Variants in PLAGL1 observed in about 807,000 individuals in gnomAD.
PLAGL1 encodes the protein zinc finger protein PLAGL1.
Under a neutral mutation model 4.6 loss-of-function variants are expected in PLAGL1, and 1 was observed. The observed-to-expected ratio is 0.22, with a 90% confidence interval of 0.08 to 1.03. PLAGL1 has a LOEUF of 1.03. PLAGL1 is among the 50% of genes least tolerant of loss of function. The pLI, the probability that PLAGL1 is intolerant of heterozygous loss-of-function variation, is 0.58. For missense variants in PLAGL1, 464 were observed against 570.4 expected, an observed-to-expected ratio of 0.81 and a Z score of 1.90; for synonymous variants, 240 against 237.8, an observed-to-expected ratio of 1.01 and a Z score of -0.08.
chr6:143,977,467 CTTCTT>C lies in PLAGL1; in HGVS notation c.-544+7663_-544+7667del, dbSNP rs1786914951. Among the ~76,000 whole-genome samples, 8 of 82,840 alleles carry C rather than the reference CTTCTT, an allele frequency of 9.7e-5. No individual in the cohort carries two copies. The South Asian group carries it at 1.3e-3, about 14-fold the overall frequency. 54.3% of individuals were successfully genotyped at this position (82,840 alleles called of 152,430 possible). A position where few individuals can be genotyped will look rare whatever the true frequency, so the allele number is the denominator to read the frequency against. Reference sequence around the variant, plus strand: ...TTTTTTTTATTTTTTTCTTCTTCTTCTTCTTTTTTTTTTTTTTTTTTTTTGAGATG... The same window carrying C: ...TTTTTTTTATTTTTTTCTTCTTCTTCTTTTTTTTTTTTTTTTTTTGAGATG... On this transcript the variant is annotated intron_variant, in intron 2 of 7. Transcript: ENST00000674357.
At chr6:143,998,250 C>A (rs1211935374) in intron 1 of PLAGL1, among the ~76,000 whole-genome samples, 7 of 152,146 alleles carry the variant, frequency 4.6e-5, no homozygotes. Context: ...AGTATATTGG[C>A]AATGAAAGCA....
chr6:144,024,511 C>G (rs1283122321), intron 1 of PLAGL1, among the ~76,000 whole-genome samples: 1 of 152,182 alleles, frequency 6.6e-6, no homozygotes, highest in Non-Finnish European at 1.5e-5. Flanking sequence ...TGTACAAGCT[C>G]TCTTGCCTGC....
Position 143,973,464 on chromosome 6 carries a change from G to A in PLAGL1, c.-543-4486C>T, listed in dbSNP as rs1256560988. 6.6e-6 allele frequency among the ~76,000 whole-genome samples: 1 copy of A among 152,106 alleles called. No homozygotes were observed. Among genetic ancestry groups the A allele is most frequent in the Admixed American group, 6.5e-5 (1 of 15,272 alleles). On this transcript the variant is annotated intron_variant, in intron 2 of 7. Coordinates refer to ENST00000674357, the MANE Select transcript of PLAGL1 (RefSeq NM_001317162.2). This position sits in a 1 kb window ranked among gnomAD's most constrained non-coding sequence, Gnocchi z 6.2. Reference sequence around the variant, plus strand: ...CTCGCTAGTTCATCCAAGGTCAGAGGGAGAAAACAAGCACGGGGGGAAGTC... The same window carrying A: ...CTCGCTAGTTCATCCAAGGTCAGAGAGAGAAAACAAGCACGGGGGGAAGTC...
At chr6:143,976,275 GATTTC>G (rs1346290503) in intron 2 of PLAGL1, among the ~76,000 whole-genome samples, 1 of 112,430 alleles carries the variant, frequency 8.9e-6, no homozygotes, top group Non-Finnish European at 2.0e-5. Flanking sequence ...TTGAGCCTGA[GATTTC>G]TTTTCTTTTT....
intron 1 of PLAGL1, among the ~76,000 whole-genome samples, chr6:143,986,013 A>C (rs1314122279): frequency 1.4e-5 from 1 of 70,288 alleles, no homozygotes; most frequent in African/African-American, 4.7e-5. Context: ...TATATATATC[A>C]TTTAATCCTT....
intron 1 of PLAGL1, among the ~76,000 whole-genome samples, chr6:143,996,154 T>C (rs745579259): frequency 1.3e-5 from 2 of 152,094 alleles, no homozygotes; most frequent in Non-Finnish European, 2.9e-5. Context: ...AAACATGGGG[T>C]GATTTGAGAG....
At chr6:144,008,499 G>A (rs775783341), upstream of PLAGL1, 103 of 152,262 alleles carry the variant, frequency 6.8e-4, no homozygotes, top group Non-Finnish European at 1.2e-3. The surrounding 1 kb of genome is among the most constrained non-coding windows in gnomAD (Gnocchi z 6.9). Flanking sequence ...GCTGGGGGTC[G>A]GCGGCCGAGG....
rs951837466 is a variant in PLAGL1, at chr6:143,950,929, C to G, written c.-324-2469G>C. ...GCCACATAGTGCCAGTGGCTGCTGT[C>G]CTGGACGGCACAGGCAGACTCTTGG... On this transcript the variant is annotated intron_variant, in intron 6 of 7. Coordinates refer to ENST00000674357, the MANE Select transcript of PLAGL1 (RefSeq NM_001317162.2). The surrounding 1 kb of genome is among the most constrained non-coding windows in gnomAD (Gnocchi z 6.3). Among the ~76,000 whole-genome samples, 2 of 152,192 alleles carry G rather than the reference C, an allele frequency of 1.3e-5. No homozygotes were observed. Among genetic ancestry groups the G allele is most frequent in the African/African-American group, 4.8e-5 (2 of 41,432 alleles).
In PLAGL1 at chr6:144,048,184, GCTT is replaced by G. The variant is rs1478348087; in HGVS notation, c.-151+16281_-151+16283del. Among the ~76,000 whole-genome samples the G allele has an allele frequency of 1.3e-5, 2 of 152,210 alleles. No individual in the cohort carries two copies. ...GGTCTTGGGCAGCTCTGCCTCTGTG[GCTT>G]TGCAGGGTACGGCCTCCCTCTTGGC... On this transcript the variant is annotated intron_variant, in intron 1 of 3. Transcript: ENST00000437412. This position sits in a 1 kb window ranked among gnomAD's most constrained non-coding sequence, Gnocchi z 4.8.
At position 144,063,205 on chromosome 6, in the gene PLAGL1, T is replaced by C. The variant is rs1387394763; in HGVS notation, c.-151+1263A>G. ...TGCAACCTGCACCGGAACTTTGTAG[T>C]ATTCCAATTTCTCCCCTTTCCACAC... On this transcript the variant is annotated intron_variant, in intron 1 of 3. Transcript: ENST00000437412. This position sits in a 1 kb window ranked among gnomAD's most constrained non-coding sequence, Gnocchi z 5.7. Among the ~76,000 whole-genome samples the C allele has an allele frequency of 1.3e-5, 2 of 152,200 alleles. No homozygotes were observed. The highest frequency in any genetic ancestry group is 1.3e-4 in the Admixed American group (2 of 15,278).
Position 143,948,772 on chromosome 6 carries a change from A to ACAACAC in PLAGL1, c.-324-313_-324-312insGTGTTG, listed in dbSNP as rs1199367632. On this transcript the variant is annotated intron_variant, in intron 6 of 7. Coordinates refer to ENST00000674357, the MANE Select transcript of PLAGL1 (RefSeq NM_001317162.2). The surrounding 1 kb of genome is among the most constrained non-coding windows in gnomAD (Gnocchi z 6.0). ...CCATTGACCAAAGAGAAAAACAACAACAACAACAACAACAACAACAAACAA... is the reference window on the plus strand; with the variant it reads ...CCATTGACCAAAGAGAAAAACAACAACAACACCAACAACAACAACAACAACAAACAA... Among the ~76,000 whole-genome samples, 1 of 149,824 alleles carries ACAACAC rather than the reference A, an allele frequency of 6.7e-6. No individual in the cohort carries two copies. The highest frequency in any genetic ancestry group is 1.9e-4 in the East Asian group (1 of 5,168).
chr6:144,026,635 C>T (rs1796360149), intron 1 of PLAGL1, among the ~76,000 whole-genome samples: 1 of 152,168 alleles, frequency 6.6e-6, no homozygotes, highest in African/African-American at 2.4e-5. Flanking sequence ...TCCAATAATT[C>T]ATCTATACCC....
At position 143,941,830 on chromosome 6, in the gene PLAGL1, C is replaced by T. The variant is rs2128503021; in HGVS notation, c.986G>A (p.Ser329Asn). The T allele has an allele frequency of 6.2e-7, 1 of 1,614,210 alleles. No homozygotes were observed. The highest frequency in any genetic ancestry group is 1.1e-5 in the South Asian group (1 of 91,080). ...TTGCAGAGGCAAGTCCTCAAACAAA[C>T]TGATATTGCAAAAACCTTTAGTATC... Reference protein sequence around the residue: ...KADTKGFCNISLFEDLPLQEP... With the variant: ...KADTKGFCNINLFEDLPLQEP... The change falls in exon 8 of 8, where the codon AGT becomes AAT. Residue 329 changes from serine to asparagine, a missense_variant. Transcript: ENST00000674357. This position sits in a 1 kb window ranked among gnomAD's most constrained non-coding sequence, Gnocchi z 6.0.
At chr6:144,040,710 C>T (rs1381174811) in intron 1 of PLAGL1, among the ~76,000 whole-genome samples, 1 of 151,730 alleles carries the variant, frequency 6.6e-6, no homozygotes, top group African/African-American at 2.4e-5. Flanking sequence ...AACCTGTCTC[C>T]ACTAAAAATA....
chr6:143,986,191 A>G (rs1041181874), intron 1 of PLAGL1, among the ~76,000 whole-genome samples: 2 of 151,698 alleles, frequency 1.3e-5, no homozygotes, highest in African/African-American at 4.8e-5. Flanking sequence ...AAGGAAACCC[A>G]TGATAAAGTC....
rs1780457630 is a variant in PLAGL1 at position 143,949,097 on chromosome 6, G to A, written c.-324-637C>T. On this transcript the variant is annotated intron_variant, in intron 6 of 7. Transcript: ENST00000674357. The surrounding 1 kb of genome is among the most constrained non-coding windows in gnomAD (Gnocchi z 5.3). ...TAGCTCAGGAACCAGCCCAGGCCAC[G>A]TTCAGATTTGTAGGCACCATCCTCT... Among the ~76,000 whole-genome samples, 1 of 152,222 alleles carries A rather than the reference G, an allele frequency of 6.6e-6. No individual in the cohort carries two copies. Among genetic ancestry groups the A allele is most frequent in the East Asian group, 1.9e-4 (1 of 5,198 alleles).
rs570840414 is a variant in PLAGL1 at position 144,059,164 on chromosome 6, C to CCA, written c.-151+5302_-151+5303dup. 1.7e-3 allele frequency among the ~76,000 whole-genome samples: 254 copies of CCA among 152,382 alleles called. 1 individual carries two copies. The highest frequency in any genetic ancestry group is 5.7e-3 in the African/African-American group (239 of 41,594). On this transcript the variant is annotated intron_variant, in intron 1 of 3. Coordinates refer to the PLAGL1 transcript ENST00000437412. The surrounding 1 kb of genome is among the most constrained non-coding windows in gnomAD (Gnocchi z 4.9). ...GCCAAGCCTCCTTCATTCCTGCATTCCATGCACCCACAGGAAGCTGCTAAG... is the reference window on the plus strand; with the variant it reads ...GCCAAGCCTCCTTCATTCCTGCATTCCACATGCACCCACAGGAAGCTGCTAAG...
intron 2 of PLAGL1, among the ~76,000 whole-genome samples, chr6:143,980,232 A>G (rs543963425): frequency 1.3e-5 from 2 of 151,954 alleles, no homozygotes; most frequent in South Asian, 2.1e-4. Context: ...TTTAACTTAG[A>G]TTTGTGGATT....
At chr6:143,946,355 G>C (rs1779788865) in intron 7 of PLAGL1, among the ~76,000 whole-genome samples, 1 of 152,134 alleles carries the variant, frequency 6.6e-6, no homozygotes, top group Non-Finnish European at 1.5e-5. Flanking sequence ...TGTCCTCACT[G>C]TGACTCAGTT....
Sources: allele counts gnomAD v4.1 joint callset (sites outside exome capture counted in the v4.1 genomes callset), GRCh38; gene constraint gnomAD v4.1.1; non-coding constraint Gnocchi (gnomAD v3.1); transcripts MANE v1.5; gene names NCBI Gene and HGNC (gene_info 2026-07-23, HGNC 2026-07-21).